Variants in CTNNA2 observed in about 807,000 individuals in gnomAD.
The protein encoded by CTNNA2 is catenin alpha 2.
A neutral mutation model predicts 101.0 loss-of-function variants in CTNNA2; 42 were observed. The ratio of observed to expected loss-of-function variants is 0.42; its 90% CI spans 0.32 to 0.54. The LOEUF (loss-of-function observed/expected upper bound fraction) is 0.54. Ranked by LOEUF, CTNNA2 falls within the 20% of genes least tolerant of loss-of-function variation. CTNNA2 has a pLI of 0.14. For synonymous variants in CTNNA2, 450 were observed against 456.4 expected (o/e 0.99, Z 0.18); for missense variants, 871 against 1,223.1 (o/e 0.71, Z 4.29).
At chr2:80,073,734 A>T (rs202077931) in intron 7 of CTNNA2, among the ~76,000 whole-genome samples, 55 of 92,716 alleles carry the variant, frequency 5.9e-4, no homozygotes, top group Non-Finnish European at 7.5e-4. Context: ...TCTCTGTCAC[A>T]CACACACACA....
intron 7 of CTNNA2, among the ~76,000 whole-genome samples, chr2:80,007,179 A>T (rs1252618130): frequency 1.3e-5 from 2 of 152,118 alleles, no homozygotes; most frequent in Non-Finnish European, 2.9e-5. Context: ...TTCTCTGTGC[A>T]GTGGGGATGG....
intron 3 of CTNNA2, among the ~76,000 whole-genome samples, chr2:79,361,567 T>C (rs1677630339): frequency 6.6e-6 from 1 of 152,186 alleles, no homozygotes; most frequent in Admixed American, 6.6e-5. Context: ...AGTCAGCTGG[T>C]GTTCATATTC....
intron 9 of CTNNA2, among the ~76,000 whole-genome samples, chr2:80,465,349 G>A (rs1684763990): frequency 1.3e-5 from 2 of 152,122 alleles, no homozygotes; most frequent in East Asian, 1.9e-4. Flanking sequence ...CATTGTCCAA[G>A]CTTAATGACT....
At chr2:80,568,036 G>A (rs748269173) in intron 12 of CTNNA2, among the ~76,000 whole-genome samples, 19 of 152,124 alleles carry the variant, frequency 1.2e-4, no homozygotes, top group Non-Finnish European at 2.2e-4. Flanking sequence ...GGTGACCCCT[G>A]TGCATGCAGA....
intron 7 of CTNNA2, among the ~76,000 whole-genome samples, chr2:79,918,202 T>G (rs59539767): frequency 0.09 from 13,708 of 152,222 alleles, 701 homozygotes; most frequent in African/African-American, 0.12. Flanking sequence ...TCCTTCCAAC[T>G]GTATGCCTGG....
intron 7 of CTNNA2, among the ~76,000 whole-genome samples, chr2:80,081,604 A>C (rs1699153017): frequency 6.8e-6 from 1 of 147,242 alleles, no homozygotes; most frequent in Non-Finnish European, 1.5e-5. Context: ...AAGTTGCTTT[A>C]AAAAATTGAT....
intron 7 of CTNNA2, among the ~76,000 whole-genome samples, chr2:80,345,836 G>A (rs1452331119): frequency 6.6e-6 from 1 of 152,066 alleles, no homozygotes; most frequent in African/African-American, 2.4e-5. Flanking sequence ...TTCCAAGGAT[G>A]TTTTCCACAC....
At chr2:80,118,647 G>T (rs756233515) in intron 7 of CTNNA2, among the ~76,000 whole-genome samples, 15 of 152,216 alleles carry the variant, frequency 9.9e-5, no homozygotes, top group Non-Finnish European at 1.6e-4. Context: ...TTTCTATGAA[G>T]CCAATTCATG....
intron 3 of CTNNA2, among the ~76,000 whole-genome samples, chr2:79,824,159 G>A (rs1238416612): frequency 6.6e-6 from 1 of 152,166 alleles, no homozygotes; most frequent in Non-Finnish European, 1.5e-5. Context: ...AAATAATGGT[G>A]AGTATATCAG....
intron 4 of CTNNA2, among the ~76,000 whole-genome samples, chr2:79,501,769 C>T (rs1671321953): frequency 6.6e-6 from 1 of 152,060 alleles, no homozygotes; most frequent in Non-Finnish European, 1.5e-5. Flanking sequence ...ACTGCCTCAT[C>T]ATGTATCTTA....
At chr2:80,612,693 G>A (rs1698563591) in intron 17 of CTNNA2, among the ~76,000 whole-genome samples, 1 of 151,300 alleles carries the variant, frequency 6.6e-6, no homozygotes, top group South Asian at 2.1e-4. Flanking sequence ...AACAGCCATT[G>A]AAACAAGAAT....
chr2:80,020,878 T>C (rs1208687460), intron 7 of CTNNA2, among the ~76,000 whole-genome samples: 1 of 152,098 alleles, frequency 6.6e-6, no homozygotes, highest in Admixed American at 6.5e-5. Context: ...TGACTTGCTA[T>C]TTGACCTGGT....
chr2:80,047,949 AG>A (rs1696635427), intron 7 of CTNNA2, among the ~76,000 whole-genome samples: 1 of 152,206 alleles, frequency 6.6e-6, no homozygotes, highest in African/African-American at 2.4e-5. Flanking sequence ...TACAAATAAT[AG>A]GGGGTCACTG....
intron 3 of CTNNA2, among the ~76,000 whole-genome samples, chr2:79,329,918 A>T (rs181460362): frequency 2.0e-5 from 3 of 152,080 alleles, no homozygotes; most frequent in Admixed American, 2.0e-4. Context: ...AAAGTGAATC[A>T]CTCCTGCAAT....
intron 7 of CTNNA2, among the ~76,000 whole-genome samples, chr2:80,286,530 A>G (rs1674780832): frequency 6.6e-6 from 1 of 152,214 alleles, no homozygotes; most frequent in Admixed American, 6.5e-5. Flanking sequence ...AAATCATCAC[A>G]TGCTGTTGAG....
rs115256466 is a variant in CTNNA2 at position 79,568,142 on chromosome 2, A to G, written c.-6+54935A>G. 7.0e-3 allele frequency among the ~76,000 whole-genome samples: 1,067 copies of G among 152,222 alleles called. 15 individuals carry two copies. The highest frequency in any genetic ancestry group is 0.024 in the African/African-American group (980 of 41,520). ...TTTCAGTGTTCTCTCCTTTGTATCT[A>G]TTCCCCAAGCAGTATAATGTCTGGC... On this transcript the variant is annotated intron_variant, in intron 1 of 18. Coordinates refer to ENST00000402739, the MANE Select transcript of CTNNA2 (RefSeq NM_001282597.3).
intron 17 of CTNNA2, chr2:80,618,700 C>T (rs1310351452): frequency 6.5e-6 from 1 of 154,880 alleles, no homozygotes; most frequent in African/African-American, 2.4e-5. Context: ...GGGATCCCCA[C>T]ATACCGTTCC....
At chr2:79,764,555 A>G (rs1010794553) in intron 3 of CTNNA2, among the ~76,000 whole-genome samples, 6 of 152,210 alleles carry the variant, frequency 3.9e-5, no homozygotes, top group Admixed American at 3.9e-4. Context: ...TACATCCTTA[A>G]GAATCAAAAA....
At chr2:80,244,540 G>A (rs547216972) in intron 7 of CTNNA2, among the ~76,000 whole-genome samples, 2 of 152,326 alleles carry the variant, frequency 1.3e-5, no homozygotes, top group East Asian at 3.9e-4. Context: ...CTTAGACTCA[G>A]ATGGTCCACA....
Sources: gnomAD v4.1 joint callset for allele counts (sites outside exome capture counted in the v4.1 genomes callset) on GRCh38, gnomAD v4.1.1 for gene constraint, MANE v1.5 for transcripts, NCBI Gene and HGNC (gene_info 2026-07-23, HGNC 2026-07-21) for gene names.